FGFR2: variants seen among roughly 807,000 people sequenced by gnomAD.
FGFR2 encodes the protein BEK fibroblast growth factor receptor.
In FGFR2, 19 loss-of-function variants were observed where a neutral mutation model predicts 95.9. That is an observed-to-expected ratio of 0.20 (90% CI 0.14 to 0.29). FGFR2 has a LOEUF of 0.29. Among genes scored for constraint, FGFR2 ranks in the 10% least tolerant of loss-of-function variants. FGFR2 has a pLI of 1.00. For missense variants in FGFR2, 707 were observed against 1,056.9 expected, an observed-to-expected ratio of 0.67 and a Z score of 4.59; for synonymous variants, 392 against 393.3, an observed-to-expected ratio of 1.00 and a Z score of 0.04.
chr10:121,555,894 C>T (rs1316878838), intron 4 of FGFR2, among the ~76,000 whole-genome samples: 2 of 152,196 alleles, frequency 1.3e-5, no homozygotes, highest in African/African-American at 4.8e-5. Flanking sequence ...AAACTTCCTT[C>T]AAAGGACTCC....
intron 6 of FGFR2, among the ~76,000 whole-genome samples, chr10:121,530,001 G>A (rs1851886435): frequency 6.6e-6 from 1 of 152,068 alleles, no homozygotes; most frequent in African/African-American, 2.4e-5. Flanking sequence ...TCTCTTCTCA[G>A]AAGAGGAAAC....
intron 2 of FGFR2, among the ~76,000 whole-genome samples, chr10:121,587,835 G>A (rs559239696): frequency 2.0e-5 from 3 of 152,310 alleles, no homozygotes; most frequent in East Asian, 1.9e-4. Context: ...GCCGTGTGGC[G>A]ATTACTCAAA....
At position 121,479,149 on chromosome 10, in the gene FGFR2, T is replaced by G; in HGVS notation, c.*708A>C. On this transcript the variant is annotated 3_prime_UTR_variant, in exon 18 of 18. Transcript: ENST00000358487. ...TAACTAGTTAAGTCCAAGCAATAGA[T>G]TAACTAGTCTGCTGTGCTGCCTGCA... The G allele has an allele frequency of 4.3e-6, 1 of 232,834 alleles. No homozygotes were observed. The highest frequency in any genetic ancestry group is 8.5e-6 in the Non-Finnish European group (1 of 117,552). The allele number at this position is 232,834 out of a possible 1,614,324, so 14.4% of individuals were successfully genotyped here. A position where few individuals can be genotyped will look rare whatever the true frequency, so the allele number is the denominator to read the frequency against.
chr10:121,528,007 GA>G (rs1264218424), intron 6 of FGFR2: 2 of 152,126 alleles, frequency 1.3e-5, no homozygotes, highest in Non-Finnish European at 1.5e-5. Flanking sequence ...CTTCGAGCTG[GA>G]AAAGTTTGTT....
At chr10:121,481,030 T>C (rs2133706627) in intron 17 of FGFR2, among the ~76,000 whole-genome samples, 1 of 152,278 alleles carries the variant, frequency 6.6e-6, no homozygotes, top group African/African-American at 2.4e-5. Context: ...GAAGACAGAC[T>C]AGAACACATC....
intron 14 of FGFR2, among the ~76,000 whole-genome samples, chr10:121,487,732 T>C (rs147331843): frequency 5.3e-5 from 8 of 152,250 alleles, no homozygotes; most frequent in Non-Finnish European, 1.2e-4. Context: ...ATGAAAGTTC[T>C]TGATGAGAAC....
chr10:121,519,940 C>A (rs2134305435), intron 7 of FGFR2, 39 bp downstream of exon 7: 1 of 1,604,886 alleles, frequency 6.2e-7, no homozygotes, highest in Non-Finnish European at 8.5e-7. Context: ...ATGAAGGAGA[C>A]CCCAGTTGTG....
rs1373181160 is a variant in FGFR2 at position 121,538,715 on chromosome 10, C to G, written c.625G>C (p.Val209Leu). Residue 209 changes from valine to leucine, a missense_variant and splice_region_variant, in exon 6 of 18, where the codon GTA (valine) becomes CTA (leucine). Transcript: ENST00000358487. ...ATGAGGCTCCAGTGCTGGTTTCGTA[C>G]CTGAAAAGATCAAAGCAAAGGCGGT... is the stretch of plus-strand genomic sequence containing the variant. Reference protein sequence around the residue: ...KQEHRIGGYKVRNQHWSLIME... With the variant: ...KQEHRIGGYKLRNQHWSLIME... The G allele has an allele frequency of 1.2e-6, 2 of 1,614,022 alleles. No homozygotes were observed. The highest frequency in any genetic ancestry group is 1.7e-6 in the Non-Finnish European group (2 of 1,180,038).
intron 2 of FGFR2, among the ~76,000 whole-genome samples, chr10:121,586,487 T>G (rs1288374662): frequency 6.6e-6 from 1 of 152,236 alleles, no homozygotes; most frequent in Non-Finnish European, 1.5e-5. Context: ...GACTTGGTAC[T>G]GTCAAAAAGA....
In FGFR2 at chr10:121,517,122, CATAA is replaced by C. The variant is rs1301753788; in HGVS notation, c.1084+193_1084+196del. 18 of 660,584 alleles carry C rather than the reference CATAA, an allele frequency of 2.7e-5. No homozygotes were observed. Among genetic ancestry groups the C allele is most frequent in the Non-Finnish European group, 4.2e-5 (16 of 376,754 alleles). The allele number at this position is 660,584 out of a possible 1,614,324, so 40.9% of individuals were successfully genotyped here. A position where few individuals can be genotyped will look rare whatever the true frequency, so the allele number is the denominator to read the frequency against. ...TTTTAAGGGTGAAATTTCCCTTGAT[CATAA>C]ATGTGAGTGTGGGATCTCACTGTGT... On this transcript the variant is annotated intron_variant, in intron 8 of 17. Coordinates refer to ENST00000358487, the MANE Select transcript of FGFR2 (RefSeq NM_000141.5). This position sits in a 1 kb window ranked among gnomAD's most constrained non-coding sequence, Gnocchi z 4.7.
chr10:121,529,132 G>C (rs1007198333), intron 6 of FGFR2, among the ~76,000 whole-genome samples: 1 of 151,854 alleles, frequency 6.6e-6, no homozygotes, highest in African/African-American at 2.4e-5. Context: ...TTTTTGAGAA[G>C]GAGTCTCACT....
intron 4 of FGFR2, among the ~76,000 whole-genome samples, chr10:121,563,099 G>C (rs1296109268): frequency 6.6e-6 from 1 of 152,152 alleles, no homozygotes; most frequent in Admixed American, 6.5e-5. Flanking sequence ...AATTAGGCTG[G>C]GCACGGTGGC....
chr10:121,521,046 GATTCACCTCTTTATTGTGGA>G (rs1324052664), intron 6 of FGFR2, among the ~76,000 whole-genome samples: 1 of 152,128 alleles, frequency 6.6e-6, no homozygotes, highest in Admixed American at 6.5e-5. Context: ...TTAATAATGG[GATTCACCTCTTTATTGTGGA>G]ATTCACTCCA....
chr10:121,578,534 G>C (rs537309904), intron 2 of FGFR2, among the ~76,000 whole-genome samples: 7 of 152,258 alleles, frequency 4.6e-5, no homozygotes, highest in Admixed American at 3.3e-4. Flanking sequence ...CTGGAGTAGG[G>C]ATCAATGCAA....
chr10:121,503,724 G>A (rs1017414505), intron 10 of FGFR2, 66 bp downstream of exon 10: 1 of 1,580,296 alleles, frequency 6.3e-7, no homozygotes, highest in African/African-American at 1.3e-5. Flanking sequence ...AAAAGAAAAT[G>A]TTAATCCAAT....
At chr10:121,575,966 AC>A (rs1859667260) in intron 2 of FGFR2, among the ~76,000 whole-genome samples, 1 of 152,000 alleles carries the variant, frequency 6.6e-6, no homozygotes, top group African/African-American at 2.4e-5. Context: ...AGGGTGGATC[AC>A]CTGAGGTCAG....
intron 17 of FGFR2, chr10:121,480,299 C>T: frequency 4.0e-6 from 2 of 500,928 alleles, no homozygotes; most frequent in African/African-American, 1.9e-5. Flanking sequence ...CTCTTGGAAT[C>T]CATCATAAAT....
At chr10:121,505,199 G>C (rs140639687) in intron 9 of FGFR2, among the ~76,000 whole-genome samples, 316 of 152,298 alleles carry the variant, frequency 2.1e-3, no homozygotes, top group African/African-American at 7.2e-3. Flanking sequence ...GAAAAGCTTT[G>C]AATCTCGCCT....
intron 17 of FGFR2, 112 bp downstream of exon 17, chr10:121,483,586 A>C: frequency 1.3e-6 from 1 of 773,136 alleles, no homozygotes; most frequent in East Asian, 2.7e-5. Flanking sequence ...GAAAAAGAAT[A>C]AACAAGACCA....
Sources: allele counts gnomAD v4.1 joint callset (sites outside exome capture counted in the v4.1 genomes callset), GRCh38; gene constraint gnomAD v4.1.1; non-coding constraint Gnocchi (gnomAD v3.1); transcripts MANE v1.5; gene names NCBI Gene and HGNC (gene_info 2026-07-23, HGNC 2026-07-21).